Variants in DIAPH3 observed in about 807,000 individuals in gnomAD.
DIAPH3 encodes the protein diaphanous related formin 3, also known as protein diaphanous homolog 3.
A neutral mutation model predicts 144.3 loss-of-function variants in DIAPH3; 117 were observed. The observed-to-expected ratio is 0.81, with a 90% CI of 0.70 to 0.95. The LOEUF (loss-of-function observed/expected upper bound fraction) is 0.95. DIAPH3 is among the 40% of genes least tolerant of loss of function. DIAPH3 has a pLI of 0.00. For missense variants in DIAPH3, 1,421 were observed against 1,412.7 expected, an observed-to-expected ratio of 1.01 and a Z score of -0.09; for synonymous variants, 519 against 488.9, an observed-to-expected ratio of 1.06 and a Z score of -0.81.
At chr13:59,865,881 A>G (rs2043887480) in intron 21 of DIAPH3, among the ~76,000 whole-genome samples, 2 of 152,068 alleles carry the variant, frequency 1.3e-5, no homozygotes, top group Non-Finnish European at 2.9e-5. Context: ...CGTGATCTTC[A>G]GAAGTCAAGG....
intron 2 of DIAPH3, among the ~76,000 whole-genome samples, chr13:60,120,168 T>C (rs2058810935): frequency 1.3e-5 from 2 of 152,218 alleles, no homozygotes; most frequent in South Asian, 4.1e-4. Context: ...GTGATGCTGA[T>C]ATGAAAATTA....
chr13:59,818,313 A>C (rs1171808564), intron 24 of DIAPH3, among the ~76,000 whole-genome samples: 7 of 151,994 alleles, frequency 4.6e-5, no homozygotes, highest in African/African-American at 1.7e-4. Flanking sequence ...ATAGTAGATA[A>C]TTCCACCTGT....
At chr13:60,064,173 T>A (rs547452334) in intron 4 of DIAPH3, among the ~76,000 whole-genome samples, 10 of 152,234 alleles carry the variant, frequency 6.6e-5, no homozygotes, top group Admixed American at 1.3e-4. Context: ...GGCCCTAGGA[T>A]TTTTGGAATG....
chr13:59,705,005 G>A (rs1388967304), intron 27 of DIAPH3, among the ~76,000 whole-genome samples: 1 of 152,122 alleles, frequency 6.6e-6, no homozygotes, highest in Non-Finnish European at 1.5e-5. Flanking sequence ...TAAGATAGGA[G>A]AAACCTGAAT....
At chr13:60,091,298 G>T (rs925066337) in intron 4 of DIAPH3, among the ~76,000 whole-genome samples, 1 of 152,166 alleles carries the variant, frequency 6.6e-6, no homozygotes, top group Admixed American at 6.5e-5. Flanking sequence ...ACAGGACACA[G>T]TGATAGACTA....
At chr13:59,945,063 T>C (rs1487924270) in intron 17 of DIAPH3, among the ~76,000 whole-genome samples, 2 of 152,122 alleles carry the variant, frequency 1.3e-5, no homozygotes, top group Non-Finnish European at 1.5e-5. Context: ...GGCCCTCACC[T>C]TCCTCCCTGC....
At chr13:59,744,400 T>C (rs2036607147) in intron 27 of DIAPH3, among the ~76,000 whole-genome samples, 1 of 152,230 alleles carries the variant, frequency 6.6e-6, no homozygotes, top group Admixed American at 6.5e-5. Context: ...GAAGATGGTC[T>C]CTGCCCTCCA....
intron 24 of DIAPH3, among the ~76,000 whole-genome samples, chr13:59,825,292 G>GT (rs1229252129): frequency 6.6e-6 from 1 of 151,982 alleles, no homozygotes; most frequent in African/African-American, 2.4e-5. Flanking sequence ...ATGGTGTTTG[G>GT]TTTTTTGTCC....
intron 4 of DIAPH3, among the ~76,000 whole-genome samples, chr13:60,080,661 T>A (rs1264212405): frequency 6.6e-6 from 1 of 151,904 alleles, no homozygotes; most frequent in Non-Finnish European, 1.5e-5. Flanking sequence ...AAAAATGGAA[T>A]GAAATAACAT....
At chr13:59,941,955 A>G (rs1159312748) in intron 17 of DIAPH3, among the ~76,000 whole-genome samples, 1 of 152,174 alleles carries the variant, frequency 6.6e-6, no homozygotes, top group Non-Finnish European at 1.5e-5. Flanking sequence ...ACCTTATCTC[A>G]AATTATCAAA....
At chr13:59,937,891 A>AGAG (rs1340211641) in intron 17 of DIAPH3, among the ~76,000 whole-genome samples, 1 of 152,100 alleles carries the variant, frequency 6.6e-6, no homozygotes, top group African/African-American at 2.4e-5. Context: ...AGGGTAGAAA[A>AGAG]GAGGAGGAGA....
intron 2 of DIAPH3, among the ~76,000 whole-genome samples, chr13:60,123,463 T>G (rs1039342077): frequency 6.6e-6 from 1 of 152,214 alleles, no homozygotes; most frequent in Non-Finnish European, 1.5e-5. Flanking sequence ...AAGTTTGTGC[T>G]GATTTGAGGA....
intron 27 of DIAPH3, among the ~76,000 whole-genome samples, chr13:59,682,022 C>G (rs1755354116): frequency 1.3e-5 from 2 of 152,128 alleles, no homozygotes; most frequent in South Asian, 4.1e-4. Flanking sequence ...ATAGTTAGCT[C>G]TCTAGTTAAA....
intron 3 of DIAPH3, among the ~76,000 whole-genome samples, chr13:60,099,915 G>C (rs1251262800): frequency 1.6e-5 from 1 of 63,620 alleles, no homozygotes; most frequent in Non-Finnish European, 3.3e-5. Context: ...AGAGAAGGAA[G>C]GAAGGAAGGA....
At chr13:59,961,674 G>A (rs369359578) in intron 17 of DIAPH3, among the ~76,000 whole-genome samples, 1 of 152,154 alleles carries the variant, frequency 6.6e-6, no homozygotes, top group African/African-American at 2.4e-5. Context: ...AATCAGAGAA[G>A]CAGCATGGCA....
chr13:59,733,977 A>T (rs954902971), intron 27 of DIAPH3, among the ~76,000 whole-genome samples: 1 of 152,230 alleles, frequency 6.6e-6, no homozygotes, highest in African/African-American at 2.4e-5. Context: ...ACGCATTCCC[A>T]GTATGCATGC....
At chr13:60,137,742 CTT>C (rs35703399) in intron 1 of DIAPH3, among the ~76,000 whole-genome samples, 21 of 125,686 alleles carry the variant, frequency 1.7e-4, no homozygotes, top group Admixed American at 4.1e-4. Context: ...TTAAAATTGA[CTT>C]TTTTTTTTTT....
chr13:59,729,847 T>TG (rs1217299233), intron 27 of DIAPH3, among the ~76,000 whole-genome samples: 2 of 142,888 alleles, frequency 1.4e-5, no homozygotes, highest in African/African-American at 5.2e-5. Flanking sequence ...GGTCTTGCTC[T>TG]GTTGACCAGG....
intron 17 of DIAPH3, among the ~76,000 whole-genome samples, chr13:59,961,309 A>C (rs1214805514): frequency 6.6e-6 from 1 of 152,210 alleles, no homozygotes; most frequent in Admixed American, 6.5e-5. Context: ...TATAATCCTC[A>C]CAATAACCTC....
Sources: gnomAD v4.1 joint callset for allele counts (sites outside exome capture counted in the v4.1 genomes callset) on GRCh38, gnomAD v4.1.1 for gene constraint, MANE v1.5 for transcripts, NCBI Gene and HGNC (gene_info 2026-07-23, HGNC 2026-07-21) for gene names.